Variants in RANBP2 observed in about 807,000 individuals in gnomAD.
RANBP2 encodes RAN binding protein 2, also known as E3 SUMO-protein ligase RanBP2.
In RANBP2, 57 loss-of-function variants were observed where a neutral mutation model predicts 303.6. The ratio of observed to expected loss-of-function variants is 0.19; its 90% CI spans 0.15 to 0.23. The LOEUF is 0.23. Ranked by LOEUF, RANBP2 falls within the 10% of genes least tolerant of loss-of-function variation. The probability of loss-of-function intolerance (pLI) is 1.00; values close to 1 mark genes in which losing one functional copy is unlikely to be tolerated. For synonymous variants in RANBP2, 1,167 were observed against 1,301.5 expected (o/e 0.90, Z 2.23); for missense variants, 3,138 against 3,780.8 (o/e 0.83, Z 4.46).
the RANBP2 span, among the ~76,000 whole-genome samples, chr2:109,297,695 C>T: frequency 1.3e-5 from 2 of 151,450 alleles, no homozygotes; most frequent in South Asian, 4.2e-4. Context: ...CCAATGCCCC[C>T]CATTCTGCCC....
chr2:108,900,496 G>C, the RANBP2 span, among the ~76,000 whole-genome samples: 1 of 151,572 alleles, frequency 6.6e-6, no homozygotes, highest in Non-Finnish European at 1.5e-5. Context: ...AGAGGTTGCA[G>C]TGAGCCAAGA....
chr2:109,371,674 A>G, the RANBP2 span: 2 of 1,613,684 alleles, frequency 1.2e-6, no homozygotes, highest in Non-Finnish European at 1.7e-6. Context: ...CCGCTCCTGT[A>G]CGTGGAGGTA....
chr2:109,613,807 C>CG, the RANBP2 span: 1 of 1,233,186 alleles, frequency 8.1e-7, no homozygotes, highest in Non-Finnish European at 1.0e-6. Flanking sequence ...CCAGGTGCCG[C>CG]GCCACCTCGG....
the RANBP2 span, among the ~76,000 whole-genome samples, chr2:109,711,143 G>A: frequency 1.3e-5 from 2 of 151,998 alleles, no homozygotes; most frequent in Non-Finnish European, 2.9e-5. Flanking sequence ...GAAAGGCAGC[G>A]CAACCTTGAC....
At chr2:109,603,303 C>T in the RANBP2 span, among the ~76,000 whole-genome samples, 1 of 151,818 alleles carries the variant, frequency 6.6e-6, no homozygotes, top group Non-Finnish European at 1.5e-5. Context: ...GGCGCAATCT[C>T]GGCTCACTGC....
At chr2:109,564,165 A>G in the RANBP2 span, 1 of 426,754 alleles carries the variant, frequency 2.3e-6, no homozygotes, top group Non-Finnish European at 4.0e-6. Context: ...GAGTCAGACA[A>G]GGACTTAAAA....
At chr2:109,088,854 G>A in the RANBP2 span, among the ~76,000 whole-genome samples, 3 of 152,132 alleles carry the variant, frequency 2.0e-5, no homozygotes, top group African/African-American at 7.2e-5. Flanking sequence ...TAATTCTTGT[G>A]GTTAAAAAAG....
At chr2:109,697,558 T>C in the RANBP2 span, among the ~76,000 whole-genome samples, 1 of 152,028 alleles carries the variant, frequency 6.6e-6, no homozygotes, top group Non-Finnish European at 1.5e-5. Flanking sequence ...TATATAGAAC[T>C]ACAATAGATT....
At chr2:109,751,449 T>C in the RANBP2 span, among the ~76,000 whole-genome samples, 3 of 148,658 alleles carry the variant, frequency 2.0e-5, no homozygotes, top group Non-Finnish European at 4.4e-5. Flanking sequence ...TAAGGTTATC[T>C]AATTAGGGAA....
At chr2:108,824,997 T>C in the RANBP2 span, among the ~76,000 whole-genome samples, 1 of 152,328 alleles carries the variant, frequency 6.6e-6, no homozygotes, top group African/African-American at 2.4e-5. Context: ...CTCTTTCATA[T>C]GGAACTAGAC....
chr2:109,007,984 T>C, the RANBP2 span, among the ~76,000 whole-genome samples: 1 of 152,222 alleles, frequency 6.6e-6, no homozygotes, highest in Admixed American at 6.5e-5. Context: ...TGATTTCTTC[T>C]TCTATGTTTA....
rs2912701 is a variant in RANBP2 at position 108,766,387 on chromosome 2, C to G, written c.5848C>G (p.Leu1950Val). Residue 1950 changes from leucine (L) to valine (V), a missense_variant, in exon 20 of 29, where the codon CTT becomes GTT. Coordinates refer to ENST00000283195, the MANE Select transcript of RANBP2 (RefSeq NM_006267.5). ...QTSSTFTFAD[L>V]AKSTSGEGFQ... ...AAGTAGCACTTTTACATTTGCAGAT[C>G]TTGCAAAATCAACTTCAGGAGAAGG... 34 of 1,611,856 alleles carry G rather than the reference C, an allele frequency of 2.1e-5. No individual in the cohort carries two copies. The highest frequency in any genetic ancestry group is 1.3e-4 in the East Asian group (6 of 44,876).
At chr2:108,743,632 C>T (rs193141267) in intron 7 of RANBP2, among the ~76,000 whole-genome samples, 46 of 152,320 alleles carry the variant, frequency 3.0e-4, no homozygotes, top group Admixed American at 1.4e-3. Context: ...TCACTCAGGT[C>T]TCCTTTCCTA....
the RANBP2 span, among the ~76,000 whole-genome samples, chr2:109,567,333 T>G: frequency 6.6e-6 from 1 of 152,158 alleles, no homozygotes; most frequent in Non-Finnish European, 1.5e-5. Context: ...AAAGTAAAAT[T>G]AAGAACTTAG....
the RANBP2 span, among the ~76,000 whole-genome samples, chr2:109,330,510 C>G: frequency 1.7e-3 from 261 of 152,242 alleles, no homozygotes; most frequent in Middle Eastern, 0.027. Flanking sequence ...AGGGGGTGTC[C>G]CCCCTTGTAT....
chr2:108,804,993 T>C, the RANBP2 span: 1 of 1,534,890 alleles, frequency 6.5e-7, no homozygotes, highest in Non-Finnish European at 8.7e-7. Flanking sequence ...AATTGAATGA[T>C]ACCTTAAAAA....
the RANBP2 span, among the ~76,000 whole-genome samples, chr2:109,514,832 T>C: frequency 6.6e-6 from 1 of 152,172 alleles, no homozygotes; most frequent in African/African-American, 2.4e-5. Context: ...CCCCAGGCCC[T>C]GGGCACGGCG....
chr2:109,592,965 G>A, the RANBP2 span: 1 of 807,638 alleles, frequency 1.2e-6, no homozygotes, highest in Non-Finnish European at 1.8e-6. Context: ...TCTATCACAA[G>A]AGTCTATAAG....
chr2:109,326,854 A>G, the RANBP2 span, among the ~76,000 whole-genome samples: 4 of 152,290 alleles, frequency 2.6e-5, no homozygotes, highest in East Asian at 1.9e-4. Context: ...GCGCACAGCC[A>G]CTGGCCCAGT....
Sources: gnomAD v4.1 joint callset for allele counts (sites outside exome capture counted in the v4.1 genomes callset) on GRCh38, gnomAD v4.1.1 for gene constraint, MANE v1.5 for transcripts, NCBI Gene and HGNC (gene_info 2026-07-23, HGNC 2026-07-21) for gene names.